Variants in RUNX1T1 observed in about 807,000 individuals in gnomAD.
The protein encoded by RUNX1T1 is protein CBFA2T1.
Under a neutral mutation model 62.8 loss-of-function variants are expected in RUNX1T1, and 4 were observed. The observed-to-expected ratio is 0.06, with a 90% CI of 0.03 to 0.15. The LOEUF is 0.15. RUNX1T1 is among the 10% of genes least tolerant of loss of function. The pLI, the probability that RUNX1T1 is intolerant of heterozygous loss-of-function variation, is 1.00. For missense variants in RUNX1T1, 508 were observed against 754.3 expected, an observed-to-expected ratio of 0.67 and a Z score of 3.82; for synonymous variants, 291 against 286.0, an observed-to-expected ratio of 1.02 and a Z score of -0.18.
At chr8:92,075,996 G>A in exon 2 of RUNX1T1, 1 of 1,608,380 alleles carries the variant, frequency 6.2e-7, no homozygotes, top group South Asian at 1.1e-5. Flanking sequence ...CTTTTTTCCG[G>A]CAGTCACCTA....
chr8:91,991,920 A>C (rs752008516), intron 5 of RUNX1T1, 31 bp from the exon 7 acceptor site: 39 of 1,612,010 alleles, frequency 2.4e-5, no homozygotes, highest in Non-Finnish European at 3.3e-5. Flanking sequence ...AGTTTGTTTC[A>C]TCATCTATTC....
At chr8:92,083,817 C>T (rs1327591314) in intron 1 of RUNX1T1, among the ~76,000 whole-genome samples, 14 of 152,214 alleles carry the variant, frequency 9.2e-5, no homozygotes. Flanking sequence ...TATTGCAGCA[C>T]TGTTCACAAT....
intron 1 of RUNX1T1, among the ~76,000 whole-genome samples, chr8:92,083,994 C>T (rs967359674): frequency 6.6e-6 from 1 of 152,056 alleles, no homozygotes; most frequent in Non-Finnish European, 1.5e-5. Context: ...CAAACTATCA[C>T]AAGATCAGAA....
chr8:91,992,211 G>A (rs1586866858), intron 5 of RUNX1T1, among the ~76,000 whole-genome samples: 1 of 152,112 alleles, frequency 6.6e-6, no homozygotes, highest in South Asian at 2.1e-4. Context: ...AAAAAACAGT[G>A]CTTGATTTCT....
chr8:92,034,520 GAACGA>G (rs2131338659), intron 1 of RUNX1T1, among the ~76,000 whole-genome samples: 1 of 152,090 alleles, frequency 6.6e-6, no homozygotes, highest in African/African-American at 2.4e-5. Context: ...CATTAATTGA[GAACGA>G]AAGATATGCA....
chr8:92,077,517 C>T (rs1702038803), intron 1 of RUNX1T1, among the ~76,000 whole-genome samples: 2 of 151,964 alleles, frequency 1.3e-5, no homozygotes, highest in Admixed American at 1.3e-4. Flanking sequence ...TGGAAGATGG[C>T]AATGTGAGTA....
chr8:91,994,147 G>A (rs1330237185), intron 5 of RUNX1T1, among the ~76,000 whole-genome samples: 1 of 152,114 alleles, frequency 6.6e-6, no homozygotes, highest in Admixed American at 6.5e-5. Flanking sequence ...AGGGAGTGGT[G>A]GCCAGGAGTC....
intron 1 of RUNX1T1, among the ~76,000 whole-genome samples, chr8:92,036,871 C>T (rs903875011): frequency 3.3e-5 from 5 of 152,144 alleles, no homozygotes; most frequent in Non-Finnish European, 7.3e-5. Flanking sequence ...CCTCTAACTC[C>T]GATCTCCAAG....
At chr8:92,011,478 C>G (rs1338697321) in intron 3 of RUNX1T1, among the ~76,000 whole-genome samples, 1 of 152,198 alleles carries the variant, frequency 6.6e-6, no homozygotes, top group East Asian at 1.9e-4. Context: ...GGGCAAGTGT[C>G]AGAATTCTCA....
intron 5 of RUNX1T1, among the ~76,000 whole-genome samples, chr8:91,997,394 T>C (rs993501774): frequency 6.6e-6 from 1 of 152,080 alleles, no homozygotes; most frequent in Non-Finnish European, 1.5e-5. Context: ...ACTATAAATA[T>C]TGTTTTAGGG....
chr8:92,009,000 C>T (rs930461447), intron 4 of RUNX1T1, among the ~76,000 whole-genome samples: 2 of 152,160 alleles, frequency 1.3e-5, no homozygotes, highest in Non-Finnish European at 2.9e-5. Context: ...AGGCTCCTAA[C>T]CTCATGTTTA....
At chr8:91,979,596 T>G (rs1010142390) in intron 8 of RUNX1T1, among the ~76,000 whole-genome samples, 3 of 151,138 alleles carry the variant, frequency 2.0e-5, no homozygotes, top group Non-Finnish European at 4.4e-5. Flanking sequence ...GGGATGCAAA[T>G]TGCTTGGGGC....
intron 1 of RUNX1T1, chr8:92,095,054 A>C: frequency 1.3e-6 from 2 of 1,535,628 alleles, no homozygotes; most frequent in Non-Finnish European, 1.7e-6. Flanking sequence ...TGGATAGCAG[A>C]GGTGATGGGA....
intron 5 of RUNX1T1, among the ~76,000 whole-genome samples, chr8:91,993,529 G>A (rs181356493): frequency 1.3e-5 from 2 of 152,156 alleles, no homozygotes; most frequent in Non-Finnish European, 2.9e-5. Context: ...TAACTTTCTG[G>A]CTTCAATATT....
At chr8:91,956,747 CACA>C (rs1278694647), downstream of RUNX1T1, 1 of 221,462 alleles carries the variant, frequency 4.5e-6, no homozygotes, top group Non-Finnish European at 9.0e-6. Context: ...TTAAGTATTG[CACA>C]ACAACTTTAA....
chr8:91,958,955 C>CT (rs35061826), exon 11 of RUNX1T1: 49,720 of 178,716 alleles, frequency 0.28, 6,305 homozygotes, highest in South Asian at 0.5. Context: ...TCTTTTTTTC[C>CT]TTTTTTTTTT....
chr8:92,044,290 ACT>A, intron 1 of RUNX1T1, among the ~76,000 whole-genome samples: 1 of 152,266 alleles, frequency 6.6e-6, no homozygotes, highest in East Asian at 1.9e-4. Context: ...AAATTTAGTC[ACT>A]CTGAATAAAC....
intron 8 of RUNX1T1, among the ~76,000 whole-genome samples, chr8:91,979,607 G>A (rs149646025): frequency 2.6e-5 from 4 of 151,630 alleles, no homozygotes; most frequent in East Asian, 1.9e-4. Flanking sequence ...TGCTTGGGGC[G>A]GGGGGTGGTG....
chr8:92,043,056 T>C (rs1282163252), intron 1 of RUNX1T1, among the ~76,000 whole-genome samples: 2 of 152,202 alleles, frequency 1.3e-5, no homozygotes, highest in Non-Finnish European at 2.9e-5. Context: ...CTATTTCTCA[T>C]TTCTCTCACA....
Sources: allele counts gnomAD v4.1 joint callset (sites outside exome capture counted in the v4.1 genomes callset), GRCh38; gene constraint gnomAD v4.1.1; transcripts MANE v1.5; gene names NCBI Gene and HGNC (gene_info 2026-07-23, HGNC 2026-07-21).